Variants in CCDC3 observed in about 807,000 individuals in gnomAD.
CCDC3 encodes the protein coiled-coil domain-containing protein 3.
CCDC3 carries 24 observed loss-of-function variants against 21.4 expected under a neutral mutation model. The ratio of observed to expected loss-of-function variants is 1.12; its 90% confidence interval spans 0.81 to 1.58. CCDC3 has a LOEUF of 1.58. Ranked by LOEUF, CCDC3 falls within the 40% of genes most tolerant of loss-of-function variation. The pLI, the probability that CCDC3 is intolerant of heterozygous loss-of-function variation, is 0.00. For synonymous variants in CCDC3, 186 were observed against 166.0 expected (o/e 1.12, Z -0.93); for missense variants, 425 against 360.9 (o/e 1.18, Z -1.44).
At chr10:12,956,682 A>C (rs1269677508) in intron 2 of CCDC3, among the ~76,000 whole-genome samples, 1 of 152,246 alleles carries the variant, frequency 6.6e-6, no homozygotes, top group East Asian at 1.9e-4. Context: ...ACTTTAGTCA[A>C]GCTCCTCTGA....
At chr10:12,990,596 G>A (rs1053969839) in intron 2 of CCDC3, among the ~76,000 whole-genome samples, 20 of 152,350 alleles carry the variant, frequency 1.3e-4, no homozygotes, top group Admixed American at 4.6e-4. Flanking sequence ...GTGACTGGGT[G>A]TGAGCTCTCA....
intron 2 of CCDC3, among the ~76,000 whole-genome samples, chr10:12,978,531 G>C (rs933659989): frequency 3.2e-4 from 47 of 148,908 alleles, no homozygotes; most frequent in African/African-American, 1.1e-3. Flanking sequence ...AGAAATCTGC[G>C]GGTCCTGGAG....
rs140660658 is a variant in CCDC3, at chr10:13,062,662, T to C, written c.-270+11206A>G. 6.8e-3 allele frequency among the ~76,000 whole-genome samples: 1,036 copies of C among 152,270 alleles called. 19 individuals carry two copies. The highest frequency in any genetic ancestry group is 0.022 in the African/African-American group (906 of 41,566). On this transcript the variant is annotated intron_variant, in intron 4 of 6. Transcript: ENST00000378839. ...CTAACTTTGGGAGAAACTTAGTTTA[T>C]GGTTTAAGTAAAGATGGTAACAGCC...
chr10:12,940,950 T>C (rs1474835420), intron 2 of CCDC3, among the ~76,000 whole-genome samples: 1 of 125,366 alleles, frequency 8.0e-6, no homozygotes, highest in East Asian at 2.6e-4. Flanking sequence ...GCACTTGTGA[T>C]ACTCTGTGGG....
At chr10:13,087,855 C>G (rs942858309) in intron 3 of CCDC3, among the ~76,000 whole-genome samples, 6 of 152,134 alleles carry the variant, frequency 3.9e-5, no homozygotes, top group Non-Finnish European at 7.4e-5. Flanking sequence ...AAGGTTGGTG[C>G]ACTAGCAATT....
chr10:12,993,678 T>C (rs1045075257), intron 2 of CCDC3, among the ~76,000 whole-genome samples: 9 of 152,176 alleles, frequency 5.9e-5, no homozygotes, highest in African/African-American at 2.2e-4. Flanking sequence ...CTGGTGGATG[T>C]TCCAACGTGC....
chr10:13,000,501 C>T (rs1015220427), intron 1 of CCDC3, among the ~76,000 whole-genome samples: 2 of 152,136 alleles, frequency 1.3e-5, no homozygotes, highest in South Asian at 4.1e-4. Flanking sequence ...CAAAGCATTG[C>T]TACCCAGGAT....
chr10:12,961,577 C>T (rs779022196), intron 2 of CCDC3, among the ~76,000 whole-genome samples: 6 of 152,266 alleles, frequency 3.9e-5, no homozygotes, highest in African/African-American at 1.4e-4. Flanking sequence ...TCTGGGACCA[C>T]GGCATGAAGC....
chr10:13,018,055 T>C (rs1836092950), intron 5 of CCDC3, among the ~76,000 whole-genome samples: 1 of 151,370 alleles, frequency 6.6e-6, no homozygotes, highest in Non-Finnish European at 1.5e-5. Flanking sequence ...GTGGGTTTTA[T>C]GGACTTTCCT....
chr10:13,051,634 T>C (rs1836608938), intron 4 of CCDC3, among the ~76,000 whole-genome samples: 1 of 152,162 alleles, frequency 6.6e-6, no homozygotes, highest in South Asian at 2.1e-4. Context: ...AAGGACAGAC[T>C]TCAGATGTTA....
intron 2 of CCDC3, among the ~76,000 whole-genome samples, chr10:12,988,135 C>G (rs1258391636): frequency 3.9e-5 from 6 of 152,204 alleles, no homozygotes. Context: ...CCTCTCCAAA[C>G]CCAGCTTGTT....
rs530170721 is a variant in CCDC3 at position 12,902,983 on chromosome 10, G to A, written c.550-4304C>T. Among the ~76,000 whole-genome samples the A allele has an allele frequency of 3.9e-5, 6 of 152,314 alleles. No homozygotes were observed. In the South Asian group the frequency reaches 1.2e-3, roughly 32 times the overall value. On this transcript the variant is annotated intron_variant, in intron 2 of 2. Transcript: ENST00000378825. The stretch of plus-strand genomic sequence containing the variant: ...AAGCAAAGGTGAATGTGAAAAGCGT[G>A]GATGGGATGAGAGTTCCTTGGTGAA...
At chr10:13,075,374 A>C (rs1027998607) in intron 3 of CCDC3, among the ~76,000 whole-genome samples, 2 of 152,190 alleles carry the variant, frequency 1.3e-5, no homozygotes, top group African/African-American at 2.4e-5. Flanking sequence ...ACGAAATAAT[A>C]AGTGATTGAT....
rs574613386 is a variant in CCDC3 at position 13,000,706 on chromosome 10, C to T, written c.374+491G>A. Among the ~76,000 whole-genome samples the T allele has an allele frequency of 3.3e-5, 5 of 152,280 alleles. No individual in the cohort carries two copies. In the East Asian group the frequency reaches 5.8e-4, roughly 18 times the overall value. On this transcript the variant is annotated intron_variant, in intron 1 of 2. Transcript: ENST00000378825. The stretch of plus-strand genomic sequence containing the variant: ...TGCACCAGGTGCTTTGCATGAGTTA[C>T]GTTCCTCACTCAACCAGCCCTGTCT...
chr10:13,092,726 C>T (rs1435346879), intron 3 of CCDC3, among the ~76,000 whole-genome samples: 1 of 152,186 alleles, frequency 6.6e-6, no homozygotes, highest in Non-Finnish European at 1.5e-5. Context: ...GAGAAGTGAA[C>T]CATAGGCCTT....
chr10:13,046,638 C>G (rs1288841287), intron 5 of CCDC3, among the ~76,000 whole-genome samples: 1 of 148,868 alleles, frequency 6.7e-6, no homozygotes, highest in African/African-American at 2.5e-5. Flanking sequence ...ACCTGGGAGG[C>G]GGAGGTTGCA....
At chr10:12,950,536 C>A (rs1281219126) in intron 2 of CCDC3, among the ~76,000 whole-genome samples, 1 of 152,190 alleles carries the variant, frequency 6.6e-6, no homozygotes, top group African/African-American at 2.4e-5. Context: ...CAGAACGAGG[C>A]AAATTGTTCT....
intron 2 of CCDC3, among the ~76,000 whole-genome samples, chr10:12,914,543 C>A (rs1254671107): frequency 6.6e-6 from 1 of 152,064 alleles, no homozygotes; most frequent in Non-Finnish European, 1.5e-5. Context: ...CCTCCTGGGT[C>A]AAGCGATTCG....
intron 4 of CCDC3, among the ~76,000 whole-genome samples, chr10:13,059,804 T>C (rs1399143360): frequency 6.6e-6 from 1 of 152,080 alleles, no homozygotes; most frequent in Non-Finnish European, 1.5e-5. Context: ...AAAAACATTG[T>C]TTTGGCCGGG....
Sources: gnomAD v4.1 joint callset for allele counts (sites outside exome capture counted in the v4.1 genomes callset) on GRCh38, gnomAD v4.1.1 for gene constraint, MANE v1.5 for transcripts, NCBI Gene and HGNC (gene_info 2026-07-23, HGNC 2026-07-21) for gene names.